COPA: variants seen among roughly 807,000 people sequenced by gnomAD.
COPA encodes coatomer subunit alpha.
COPA carries 10 observed loss-of-function variants against 158.7 expected under a neutral mutation model. That is an observed-to-expected ratio of 0.06 (90% CI 0.04 to 0.11). The LOEUF is 0.11. Among genes scored for constraint, COPA ranks in the 10% least tolerant of loss-of-function variants. The pLI is 1.00. For synonymous variants in COPA, 462 were observed against 542.8 expected (o/e 0.85, Z 2.07); for missense variants, 1,065 against 1,536.7 (o/e 0.69, Z 5.13).
At chr1:160,321,316 C>T (rs971071018) in intron 8 of COPA, among the ~76,000 whole-genome samples, 7 of 152,186 alleles carry the variant, frequency 4.6e-5, no homozygotes, top group Admixed American at 1.3e-4. Flanking sequence ...CACTTTTATT[C>T]GACAAAACAC....
chr1:160,335,117 C>A, intron 4 of COPA, 125 bp downstream of exon 4: 2 of 739,986 alleles, frequency 2.7e-6, no homozygotes, highest in South Asian at 4.4e-5. Flanking sequence ...CAATACCACA[C>A]AGATTGTAGA....
chr1:160,328,962 T>C (rs762952924), intron 6 of COPA, among the ~76,000 whole-genome samples: 10 of 152,216 alleles, frequency 6.6e-5, no homozygotes, highest in Non-Finnish European at 1.3e-4. Flanking sequence ...AAATTAGAAC[T>C]AGTCCTCTAA....
intron 8 of COPA, 25 bp downstream of exon 8, chr1:160,323,406 G>C: frequency 6.4e-7 from 1 of 1,569,990 alleles, no homozygotes; most frequent in South Asian, 1.2e-5. Flanking sequence ...CTTAGATATG[G>C]CGATAATGTA....
At position 160,307,711 on chromosome 1, in the gene COPA, A is replaced by G. The variant is rs144531238; in HGVS notation, c.1220-466T>C. ...GCACTCCCAACTAAATCTTGACAGG[A>G]GAGCTTGGTGCTGGGCGGTATTTAG... On this transcript the variant is annotated intron_variant, in intron 13 of 32. Coordinates refer to ENST00000241704, the MANE Select transcript of COPA (RefSeq NM_004371.4). Among the ~76,000 whole-genome samples, 686 of 152,326 alleles carry G rather than the reference A, an allele frequency of 4.5e-3. 6 individuals are homozygous for G. Among genetic ancestry groups the G allele is most frequent in the African/African-American group, 0.016 (649 of 41,586 alleles).
chr1:160,306,331 C>A, intron 15 of COPA, 23 bp downstream of exon 15: 1 of 1,574,216 alleles, frequency 6.4e-7, no homozygotes, highest in South Asian at 1.2e-5. Context: ...GGGCTGTCTG[C>A]TTAGGGGCAC....
chr1:160,290,662 C>T lies in COPA; in HGVS notation c.3445G>A (p.Glu1149Lys). ...TGGTAGGCATCTGTGGGATTCTTCT[C>T]ACAGGCAGACAGGATTTTTCGGGTC... ...QQTRKILSAC[E>K]KNPTDAYQLN... Residue 1149 changes from glutamate (E) to lysine (K), a missense_variant, in exon 32 of 33, where the codon GAG (glutamate) becomes AAG (lysine). Physicochemically the swap from Glu to Lys is moderately conservative, Grantham distance 56. Transcript: ENST00000241704. The T allele has an allele frequency of 6.2e-7, 1 of 1,614,124 alleles. No individual in the cohort carries two copies. Among genetic ancestry groups the T allele is most frequent in the Non-Finnish European group, 8.5e-7 (1 of 1,180,014 alleles).
intron 11 of COPA, 75 bp from the exon 12 acceptor site, chr1:160,310,333 C>G: frequency 2.5e-6 from 2 of 812,196 alleles, no homozygotes. Flanking sequence ...ATCACCCCCA[C>G]ACCTCCTACT....
intron 10 of COPA, 110 bp from the exon 11 acceptor site, chr1:160,312,128 A>G: frequency 9.7e-7 from 1 of 1,030,084 alleles, no homozygotes; most frequent in Non-Finnish European, 1.4e-6. Context: ...AGACACCTGA[A>G]TGCATCCCTT....
rs763734496 is a variant in COPA at position 160,340,175 on chromosome 1, T to G, written c.154+6A>C. ...CTCCTTTAACTTCCTCCTAGAAATA[T>G]CTCACCATCATGTTCATCAAACTTG... On this transcript the variant is annotated splice_donor_region_variant and intron_variant, in intron 2 of 32. Transcript: ENST00000241704. 1 of 1,598,506 alleles carries G rather than the reference T, an allele frequency of 6.3e-7. No homozygotes were observed. Among genetic ancestry groups the G allele is most frequent in the East Asian group, 2.2e-5 (1 of 44,802 alleles).
chr1:160,312,654 G>A (rs774946118), intron 10 of COPA, among the ~76,000 whole-genome samples: 10 of 152,212 alleles, frequency 6.6e-5, no homozygotes, highest in African/African-American at 1.7e-4. Context: ...GGCAATACAC[G>A]ATCTGGCCAG....
chr1:160,313,320 T>A (rs1659029837), intron 9 of COPA, among the ~76,000 whole-genome samples, 153 bp from the exon 10 acceptor site: 1 of 152,182 alleles, frequency 6.6e-6, no homozygotes, highest in Admixed American at 6.5e-5. Flanking sequence ...TCGTGATAAA[T>A]TCTACCAAGG....
At chr1:160,316,846 C>T (rs1015923160) in intron 8 of COPA, among the ~76,000 whole-genome samples, 7 of 151,820 alleles carry the variant, frequency 4.6e-5, no homozygotes, top group Admixed American at 1.3e-4. Context: ...GAAAATTTTC[C>T]AAAACTTGAG....
At chr1:160,304,067 T>A (rs2101834852) in intron 17 of COPA, among the ~76,000 whole-genome samples, 1 of 151,916 alleles carries the variant, frequency 6.6e-6, no homozygotes, top group East Asian at 2.0e-4. Flanking sequence ...CAGGCTGGAG[T>A]GCAATGGTAC....
At position 160,308,761 on chromosome 1, in the gene COPA, A is replaced by G. The variant is rs370319585; in HGVS notation, c.1219+340T>C. On this transcript the variant is annotated intron_variant, in intron 13 of 32. Coordinates refer to ENST00000241704, the MANE Select transcript of COPA (RefSeq NM_004371.4). ...ATCCCTAGTCCCAGGATGAGGCATT[A>G]TAAGATTGGAACCACATTTTTAAAT... Among the ~76,000 whole-genome samples, 11 of 152,350 alleles carry G rather than the reference A, an allele frequency of 7.2e-5. No individual in the cohort carries two copies. In the East Asian group the frequency reaches 1.3e-3, roughly 19 times the overall value.
At chr1:160,320,076 A>G (rs1315854490) in intron 8 of COPA, among the ~76,000 whole-genome samples, 2 of 152,148 alleles carry the variant, frequency 1.3e-5, no homozygotes, top group Non-Finnish European at 2.9e-5. Flanking sequence ...AATACAGACT[A>G]TCAATGAAAC....
intron 8 of COPA, among the ~76,000 whole-genome samples, chr1:160,317,916 C>T (rs1377687801): frequency 6.6e-6 from 1 of 152,092 alleles, no homozygotes; most frequent in Non-Finnish European, 1.5e-5. Flanking sequence ...CTTCATATTA[C>T]CCTCTCCTTT....
In COPA at chr1:160,334,656, T is replaced by C. The variant is rs543291694; in HGVS notation, c.309+586A>G. 2.6e-5 allele frequency among the ~76,000 whole-genome samples: 4 copies of C among 152,322 alleles called. No individual in the cohort carries two copies. In the South Asian group the frequency reaches 8.3e-4, roughly 32 times the overall value. On this transcript the variant is annotated intron_variant, in intron 4 of 32. Transcript: ENST00000241704. ...GCAATCAAAGAATAGTGTAAGTTAA[T>C]GCTAATACACAGAACTATAAGGAGA...
chr1:160,332,866 G>A (rs1647593640), intron 5 of COPA, among the ~76,000 whole-genome samples: 1 of 152,146 alleles, frequency 6.6e-6, no homozygotes, highest in African/African-American at 2.4e-5. Flanking sequence ...AATCCATACT[G>A]TAAATTATCT....
chr1:160,310,591 A>C (rs1293138728), intron 11 of COPA: 2 of 166,184 alleles, frequency 1.2e-5, no homozygotes, highest in Non-Finnish European at 2.6e-5. Context: ...TGGACACCAC[A>C]GAGTAACATA....
Sources: allele counts gnomAD v4.1 joint callset (sites outside exome capture counted in the v4.1 genomes callset), GRCh38; gene constraint gnomAD v4.1.1; transcripts MANE v1.5; gene names NCBI Gene and HGNC (gene_info 2026-07-23, HGNC 2026-07-21).